ANKRD11: variants seen among roughly 807,000 people sequenced by gnomAD.
The protein encoded by ANKRD11 is ankyrin repeat domain-containing protein 11.
A neutral mutation model predicts 195.7 loss-of-function variants in ANKRD11; 17 were observed. The ratio of observed to expected loss-of-function variants is 0.09; its 90% CI spans 0.06 to 0.13. The LOEUF (loss-of-function observed/expected upper bound fraction) is 0.13, where lower values mean the gene tolerates loss of function less well. ANKRD11 is among the 10% of genes least tolerant of loss of function. The pLI is 1.00. For synonymous variants in ANKRD11, 1,953 were observed against 1,528.1 expected (o/e 1.28, Z -6.49); for missense variants, 3,735 against 3,566.1 (o/e 1.05, Z -1.21).
chr16:89,395,464 C>T (rs1567745459), intron 2 of ANKRD11, among the ~76,000 whole-genome samples: 1 of 152,240 alleles, frequency 6.6e-6, no homozygotes, highest in African/African-American at 2.4e-5. Flanking sequence ...GGCTGGGACA[C>T]GTGCTGCTTC....
At chr16:89,358,569 T>C (rs149379922) in intron 2 of ANKRD11, among the ~76,000 whole-genome samples, 1 of 152,312 alleles carries the variant, frequency 6.6e-6, no homozygotes, top group East Asian at 1.9e-4. Context: ...ATGGACCCCA[T>C]AAATACATTC....
chr16:89,328,286 G>A (rs931021505), intron 2 of ANKRD11, among the ~76,000 whole-genome samples: 1 of 152,210 alleles, frequency 6.6e-6, no homozygotes, highest in Non-Finnish European at 1.5e-5. Context: ...GAACAGCAAG[G>A]CAGCCTTACG....
chr16:89,478,050 C>T lies in ANKRD11; in HGVS notation c.-145+12195G>A, dbSNP rs2965961. Among the ~76,000 whole-genome samples, 355 of 152,182 alleles carry T rather than the reference C, an allele frequency of 2.3e-3. 1 individual carries two copies. Among genetic ancestry groups the T allele is most frequent in the African/African-American group, 7.9e-3 (330 of 41,532 alleles). ...CAATTTATTATGGCTTCAAAAGAAG[C>T]CCAAAAAATCAAAAAAGAAAAATAA... is the stretch of plus-strand genomic sequence containing the variant. On this transcript the variant is annotated intron_variant, in intron 1 of 12. Coordinates refer to ENST00000301030, the MANE Select transcript of ANKRD11 (RefSeq NM_013275.6).
intron 12 of ANKRD11, among the ~76,000 whole-genome samples, chr16:89,268,932 T>C (rs565432078): frequency 6.6e-6 from 1 of 152,312 alleles, no homozygotes; most frequent in Non-Finnish European, 1.5e-5. Flanking sequence ...CCTGCCCTGC[T>C]CTGGGTGGGC....
In ANKRD11 at chr16:89,278,929, G is replaced by A. The variant is rs762590879; in HGVS notation, c.7470+143C>T. ...GCTTTTGCCTCCACAGCAGAAGTGG[G>A]GCTGTGTCTCCTCAGGTGGCAGAAG... On this transcript the variant is annotated intron_variant, in intron 9 of 12. Transcript: ENST00000301030. The A allele has an allele frequency of 5.7e-5, 76 of 1,328,888 alleles. No homozygotes were observed. The Admixed American group carries it at 1.4e-3, about 24-fold the overall frequency. 82.3% of individuals were successfully genotyped at this position (1,328,888 alleles called of 1,614,324 possible).
Position 89,284,058 on chromosome 16 carries a change from G to A in ANKRD11, c.2484C>T (p.Asp828=), listed in dbSNP as rs1166990886. ...CNKNQFLENE[D]TKFSLSDDQR... ...GATCGTCAGAAAGGCTAAATTTGGT[G>A]TCTTCATTCTCCAGAAACTGATTTT... is the stretch of plus-strand genomic sequence containing the variant. The change falls in exon 9 of 13, where the codon GAC becomes GAT. Residue 828 remains aspartate (D), a synonymous_variant. Transcript: ENST00000301030. The A allele has an allele frequency of 1.2e-6, 2 of 1,613,974 alleles. No individual in the cohort carries two copies. Among genetic ancestry groups the A allele is most frequent in the South Asian group, 1.1e-5 (1 of 91,086 alleles).
In ANKRD11 at chr16:89,280,493, C is replaced by T. The variant is rs1455558820; in HGVS notation, c.6049G>A (p.Ala2017Thr). The T allele has an allele frequency of 6.3e-7, 1 of 1,583,798 alleles. No individual in the cohort carries two copies. Among genetic ancestry groups the T allele is most frequent in the Non-Finnish European group, 8.6e-7 (1 of 1,165,904 alleles). Residue 2017 changes from alanine to threonine, a missense_variant, in exon 9 of 13, where the codon GCC becomes ACC. Coordinates refer to ENST00000301030, the MANE Select transcript of ANKRD11 (RefSeq NM_013275.6). ...PFSASEAPYP[A>T]PPASPAPYAL... ...TACGGGGCAGGAGAGGCGGGAGGGG[C>T]GGGGTACGGCGCCTCCGAGGCGCTG...
At chr16:89,317,105 C>A (rs1379421036) in intron 2 of ANKRD11, 27 bp from the exon 3 acceptor site, 1 of 1,437,082 alleles carries the variant, frequency 7.0e-7, no homozygotes, top group East Asian at 2.5e-5. Context: ...ACACAATTCA[C>A]TGAATTCAGA....
intron 1 of ANKRD11, among the ~76,000 whole-genome samples, chr16:89,455,076 G>A (rs4268747): frequency 1.3e-5 from 1 of 74,790 alleles, no homozygotes; most frequent in Non-Finnish European, 2.7e-5. Flanking sequence ...TGCTCCCCTG[G>A]GTGCTTCTAG....
At chr16:89,325,469 T>C (rs575714229) in intron 2 of ANKRD11, among the ~76,000 whole-genome samples, 1 of 147,640 alleles carries the variant, frequency 6.8e-6, no homozygotes, top group African/African-American at 2.6e-5. Context: ...TCTCTCTCTC[T>C]CACACACACA....
chr16:89,328,809 CGG>C (rs2037885183), intron 2 of ANKRD11: 5 of 142,090 alleles, frequency 3.5e-5, no homozygotes, highest in African/African-American at 1.3e-4. Context: ...GGCGAATCAG[CGG>C]AGGCCCCTGC....
At chr16:89,473,482 G>A (rs2057156942) in intron 1 of ANKRD11, among the ~76,000 whole-genome samples, 1 of 152,184 alleles carries the variant, frequency 6.6e-6, no homozygotes, top group African/African-American at 2.4e-5. Flanking sequence ...GGAAATGCAA[G>A]GCATAGGGCA....
At chr16:89,330,382 GC>G (rs1255743449) in intron 2 of ANKRD11, among the ~76,000 whole-genome samples, 1 of 152,106 alleles carries the variant, frequency 6.6e-6, no homozygotes, top group Non-Finnish European at 1.5e-5. Flanking sequence ...AGAGGGAGGG[GC>G]TGCTTCCCAG....
At chr16:89,315,466 C>A (rs1270877596) in intron 3 of ANKRD11, among the ~76,000 whole-genome samples, 1 of 152,212 alleles carries the variant, frequency 6.6e-6, no homozygotes, top group African/African-American at 2.4e-5. Flanking sequence ...CCACCCACCT[C>A]CTCAGGAGCT....
At chr16:89,381,354 A>AAGGG (rs1555560066) in intron 2 of ANKRD11, among the ~76,000 whole-genome samples, 3 of 125,334 alleles carry the variant, frequency 2.4e-5, no homozygotes, top group East Asian at 2.2e-4. Context: ...AAAAAAAAAA[A>AAGGG]GGGGTGAGAA....
Position 89,279,141 on chromosome 16 carries a change from G to A in ANKRD11, c.7401C>T (p.Ala2467=), listed in dbSNP as rs2033933776. 1 of 1,613,842 alleles carries A rather than the reference G, an allele frequency of 6.2e-7. No homozygotes were observed. The highest frequency in any genetic ancestry group is 8.5e-7 in the Non-Finnish European group (1 of 1,180,008). Residue 2467 remains alanine, a synonymous_variant, in exon 9 of 13, where the codon GCC becomes GCT. Coordinates refer to ENST00000301030, the MANE Select transcript of ANKRD11 (RefSeq NM_013275.6). The surrounding 1 kb of genome is among the most constrained non-coding windows in gnomAD (Gnocchi z 5.6). ...CITPQAPQCY[A]EYVTYTGSYL... Reference sequence around the variant, plus strand: ...AGGAGCCCGTGTAGGTGACGTACTCGGCGTAGCACTGGGGCGCCTGCGGCG... The same window carrying A: ...AGGAGCCCGTGTAGGTGACGTACTCAGCGTAGCACTGGGGCGCCTGCGGCG...
chr16:89,396,442 C>CAA lies in ANKRD11; in HGVS notation c.-60+21840_-60+21841dup, dbSNP rs761384703. ...CCTGCTGCTGGAAACGCTCACAGCA[C>CAA]AAACACCTGCTGGGTTTTGGTGTCG... On this transcript the variant is annotated intron_variant, in intron 2 of 12. Transcript: ENST00000301030. Among the ~76,000 whole-genome samples the CAA allele has an allele frequency of 1.7e-3, 255 of 152,298 alleles. 2 individuals are homozygous for CAA. The highest frequency in any genetic ancestry group is 6.5e-4 in the Non-Finnish European group (44 of 68,032).
rs931775551 is a variant in ANKRD11 at position 89,301,813 on chromosome 16, G to A, written c.226+3393C>T. Among the ~76,000 whole-genome samples, 10 of 152,308 alleles carry A rather than the reference G, an allele frequency of 6.6e-5. No homozygotes were observed. In the East Asian group the frequency reaches 1.3e-3, roughly 21 times the overall value. On this transcript the variant is annotated intron_variant, in intron 4 of 12. Coordinates refer to ENST00000301030, the MANE Select transcript of ANKRD11 (RefSeq NM_013275.6). ...CGGCCCCCAGCCCTGACTAAGCACC[G>A]CAGAGGCCACATCTCCATGGCACTG...
rs2034462593 is a variant in ANKRD11 at position 89,283,906 on chromosome 16, T to C, written c.2636A>G (p.Glu879Gly). ...CTCCTTGCTGTCCTCCTTCACCGTCTCCAAGATGAGCTTGGCCACAGAGTC... is the reference window on the plus strand; with the variant it reads ...CTCCTTGCTGTCCTCCTTCACCGTCCCCAAGATGAGCTTGGCCACAGAGTC... ...KSDSVAKLILETVKEDSKERR... is the reference protein window; with the variant it reads ...KSDSVAKLILGTVKEDSKERR... Residue 879 changes from glutamate to glycine, a missense_variant, in exon 9 of 13, where the codon GAG (glutamate) becomes GGG (glycine). Coordinates refer to ENST00000301030, the MANE Select transcript of ANKRD11 (RefSeq NM_013275.6). The surrounding 1 kb of genome is among the most constrained non-coding windows in gnomAD (Gnocchi z 4.3). The C allele has an allele frequency of 6.2e-7, 1 of 1,614,158 alleles. No individual in the cohort carries two copies.
Sources: allele counts gnomAD v4.1 joint callset (sites outside exome capture counted in the v4.1 genomes callset), GRCh38; gene constraint gnomAD v4.1.1; non-coding constraint Gnocchi (gnomAD v3.1); transcripts MANE v1.5; gene names NCBI Gene and HGNC (gene_info 2026-07-23, HGNC 2026-07-21).